The following ARHGAP32 variants were observed in gnomAD, a reference collection of about 807,000 sequenced individuals.
ARHGAP32 encodes the protein rho GTPase-activating protein 32.
In ARHGAP32, 51 loss-of-function variants were observed where a neutral mutation model predicts 186.5. The ratio of observed to expected loss-of-function variants is 0.27; its 90% confidence interval spans 0.22 to 0.35. ARHGAP32 has a LOEUF of 0.35. Among genes scored for constraint, ARHGAP32 ranks in the 10% least tolerant of loss-of-function variants. ARHGAP32 has a pLI of 1.00. For missense variants in ARHGAP32, 2,186 were observed against 2,623.5 expected (o/e 0.83, Z 3.64); for synonymous variants, 950 against 964.3 (o/e 0.99, Z 0.27).
At chr11:129,032,650 C>T (rs1939163762) in intron 11 of ARHGAP32, among the ~76,000 whole-genome samples, 1 of 152,066 alleles carries the variant, frequency 6.6e-6, no homozygotes, top group African/African-American at 2.4e-5. Flanking sequence ...ATAAAAGTAC[C>T]AAAAGTATTT....
intron 21 of ARHGAP32, 118 bp downstream of exon 21, chr11:128,974,006 C>T (rs936314865): frequency 2.4e-6 from 3 of 1,263,054 alleles, no homozygotes; most frequent in Non-Finnish European, 3.3e-6. Context: ...CCCAGAAAAG[C>T]ATTCTCTTTG....
intron 11 of ARHGAP32, among the ~76,000 whole-genome samples, chr11:129,027,555 A>C (rs897767993): frequency 2.0e-5 from 3 of 152,052 alleles, no homozygotes; most frequent in African/African-American, 7.2e-5. Context: ...ACTCGGTATC[A>C]TTACACCTGC....
chr11:129,022,325 T>C (rs1938630888), intron 11 of ARHGAP32, among the ~76,000 whole-genome samples: 1 of 152,136 alleles, frequency 6.6e-6, no homozygotes, highest in South Asian at 2.1e-4. Flanking sequence ...GCTATGAAGT[T>C]TGGTGTGGAA....
At chr11:129,273,531 C>G (rs2135731037) in intron 1 of ARHGAP32, among the ~76,000 whole-genome samples, 1 of 152,310 alleles carries the variant, frequency 6.6e-6, no homozygotes, top group Non-Finnish European at 1.5e-5. Flanking sequence ...GTCCTCTTGA[C>G]TCCAGGTTCA....
At chr11:129,252,138 C>T (rs1945194341) in intron 1 of ARHGAP32, among the ~76,000 whole-genome samples, 1 of 152,116 alleles carries the variant, frequency 6.6e-6, no homozygotes, top group Non-Finnish European at 1.5e-5. Flanking sequence ...TTTAACTTTA[C>T]ATCTACAGTA....
chr11:129,111,912 C>T (rs1056783186), intron 5 of ARHGAP32, among the ~76,000 whole-genome samples: 15 of 151,978 alleles, frequency 9.9e-5, no homozygotes, highest in Non-Finnish European at 2.1e-4. Context: ...ATGGCACATA[C>T]CGTTATGCCT....
chr11:129,250,218 G>A (rs1166619934), intron 1 of ARHGAP32, among the ~76,000 whole-genome samples: 1 of 151,942 alleles, frequency 6.6e-6, no homozygotes, highest in Non-Finnish European at 1.5e-5. Flanking sequence ...CTCTGTCAGT[G>A]ATACCCCCCT....
At chr11:129,129,184 C>T (rs1429117463) in intron 2 of ARHGAP32, among the ~76,000 whole-genome samples, 4 of 139,984 alleles carry the variant, frequency 2.9e-5, no homozygotes, top group Admixed American at 6.9e-5. Context: ...GGAGCCCCTC[C>T]GCCCGGCAGC....
intron 1 of ARHGAP32, among the ~76,000 whole-genome samples, chr11:129,229,945 T>C (rs1480932922): frequency 1.3e-5 from 2 of 151,902 alleles, no homozygotes; most frequent in Non-Finnish European, 2.9e-5. Context: ...GTCTCCCTAG[T>C]AGCTGGGACC....
Position 128,974,453 on chromosome 11 carries a change from T to C in ARHGAP32, c.2744A>G (p.Lys915Arg). 2 of 1,614,214 alleles carry C rather than the reference T, an allele frequency of 1.2e-6. No homozygotes were observed. Among genetic ancestry groups the C allele is most frequent in the Non-Finnish European group, 1.7e-6 (2 of 1,180,034 alleles). The change falls in exon 21 of 23, where the codon AAA becomes AGA. Residue 915 changes from lysine to arginine, a missense_variant. This residue lies in a region of ARHGAP32 where 1,502 missense variants were observed against 1,570.0 expected (regional missense o/e 0.96). Transcript: ENST00000682385. ...FSPKIGRKLS[K>R]SPSMSISEPI... The stretch of plus-strand genomic sequence containing the variant: ...CTCAGATATGCTCATAGAAGGTGAT[T>C]TGCTTAATTTCCGTCCTATCTTCGG...
intron 10 of ARHGAP32, among the ~76,000 whole-genome samples, chr11:129,053,077 TAAAAA>T (rs998580836): frequency 6.6e-6 from 1 of 151,316 alleles, no homozygotes; most frequent in African/African-American, 2.4e-5. Flanking sequence ...TAAAGTATAA[TAAAAA>T]AAAGAAAAAA....
chr11:129,115,340 G>A (rs531952557), intron 5 of ARHGAP32, among the ~76,000 whole-genome samples: 3 of 152,146 alleles, frequency 2.0e-5, no homozygotes, highest in South Asian at 2.1e-4. Flanking sequence ...CACATAAGGC[G>A]AAAATCAATA....
intron 1 of ARHGAP32, among the ~76,000 whole-genome samples, chr11:129,237,599 A>T (rs1944952816): frequency 6.6e-6 from 1 of 152,162 alleles, no homozygotes; most frequent in South Asian, 2.1e-4. Flanking sequence ...AACTGAGTGC[A>T]TTACGTGGAT....
At chr11:129,016,821 T>G (rs558767977) in intron 11 of ARHGAP32, among the ~76,000 whole-genome samples, 1 of 152,374 alleles carries the variant, frequency 6.6e-6, no homozygotes, top group African/African-American at 2.4e-5. Flanking sequence ...TTCTTTATGA[T>G]ACTGAGCTTT....
intron 6 of ARHGAP32, among the ~76,000 whole-genome samples, chr11:129,076,667 G>A (rs1342238712): frequency 9.9e-5 from 15 of 152,154 alleles, no homozygotes; most frequent in Admixed American, 9.8e-4. Context: ...TTTGTGGGAG[G>A]CAGTGAAAGC....
At chr11:129,156,962 C>T (rs1943423868) in intron 2 of ARHGAP32, among the ~76,000 whole-genome samples, 1 of 152,154 alleles carries the variant, frequency 6.6e-6, no homozygotes, top group South Asian at 2.1e-4. Flanking sequence ...ATACAGAAAA[C>T]TCCAGCAAAC....
chr11:128,996,550 G>T (rs1244275480), intron 12 of ARHGAP32, among the ~76,000 whole-genome samples: 2 of 151,972 alleles, frequency 1.3e-5, no homozygotes, highest in African/African-American at 2.4e-5. Flanking sequence ...AGTTTAAAAT[G>T]GTTAACTTAT....
chr11:129,276,180 T>A (rs933034812), intron 1 of ARHGAP32, among the ~76,000 whole-genome samples: 10 of 152,236 alleles, frequency 6.6e-5, no homozygotes, highest in African/African-American at 2.4e-4. Context: ...CTCCAAGTAA[T>A]TGAAAATTCC....
chr11:129,215,490 G>A (rs995506538), intron 1 of ARHGAP32, among the ~76,000 whole-genome samples: 1 of 152,154 alleles, frequency 6.6e-6, no homozygotes, highest in African/African-American at 2.4e-5. Context: ...TCCAAAATCA[G>A]TCTCAGTGGG....
Sources: allele counts gnomAD v4.1 joint callset (sites outside exome capture counted in the v4.1 genomes callset), GRCh38; gene constraint gnomAD v4.1.1; regional missense constraint gnomAD v4.1.1; transcripts MANE v1.5; gene names NCBI Gene and HGNC (gene_info 2026-07-23, HGNC 2026-07-21).